HUNK: variants seen among roughly 807,000 people sequenced by gnomAD.
HUNK encodes hormonally up-regulated Neu-associated kinase.
In HUNK, 21 loss-of-function variants were observed where a neutral mutation model predicts 61.0. The observed-to-expected ratio is 0.34, with a 90% CI of 0.24 to 0.50. The LOEUF (loss-of-function observed/expected upper bound fraction) is 0.50, where lower values mean the gene tolerates loss of function less well. HUNK is among the 20% of genes least tolerant of loss of function. HUNK has a pLI of 0.98. For synonymous variants in HUNK, 371 were observed against 386.1 expected, an observed-to-expected ratio of 0.96 and a Z score of 0.46; for missense variants, 772 against 945.7, an observed-to-expected ratio of 0.82 and a Z score of 2.41.
chr21:31,955,252 A>G (rs1050667643), intron 4 of HUNK, among the ~76,000 whole-genome samples: 1 of 134,264 alleles, frequency 7.4e-6, no homozygotes, highest in Non-Finnish European at 1.6e-5. Flanking sequence ...TATGACAATA[A>G]AAGTGATTTT....
chr21:31,971,395 G>A (rs112807427), intron 6 of HUNK, among the ~76,000 whole-genome samples: 1 of 152,222 alleles, frequency 6.6e-6, no homozygotes, highest in African/African-American at 2.4e-5. Context: ...ATTCTAGGCT[G>A]TTGGGGGAGG....
At chr21:31,993,222 C>G (rs1385972010) in intron 9 of HUNK, among the ~76,000 whole-genome samples, 1 of 152,104 alleles carries the variant, frequency 6.6e-6, no homozygotes, top group East Asian at 1.9e-4. Flanking sequence ...CACAGCAAAC[C>G]CCCACGCATT....
chr21:31,977,730 C>T lies in HUNK; in HGVS notation c.1173+3013C>T, dbSNP rs184868277. The stretch of plus-strand genomic sequence containing the variant: ...CACAACAAAAAGAGTCTCACTCTGT[C>T]GCCCAGGCTGGAGTGCAGTGGCACA... On this transcript the variant is annotated intron_variant, in intron 7 of 10. Coordinates refer to ENST00000270112, the MANE Select transcript of HUNK (RefSeq NM_014586.2). 3.5e-4 allele frequency among the ~76,000 whole-genome samples: 54 copies of T among 152,320 alleles called. No homozygotes were observed. The East Asian group carries it at 9.5e-3, about 27-fold the overall frequency.
Position 31,924,417 on chromosome 21 carries a change from C to T in HUNK, c.262-51C>T, listed in dbSNP as rs113708542. The stretch of plus-strand genomic sequence containing the variant: ...GGGTTCCTGTGAGTAGCCAAGGCAT[C>T]GCTATTGTCTGTAATGTCTGATAAC... On this transcript the variant is annotated intron_variant, in intron 1 of 10. Coordinates refer to ENST00000270112, the MANE Select transcript of HUNK (RefSeq NM_014586.2). The surrounding 1 kb of genome is among the most constrained non-coding windows in gnomAD (Gnocchi z 5.1). The T allele has an allele frequency of 2.9e-5, 45 of 1,540,426 alleles. No homozygotes were observed. In the Admixed American group the frequency reaches 5.2e-4, roughly 18 times the overall value.
At chr21:31,947,323 GTCTCAA>G (rs1325699742) in intron 4 of HUNK, among the ~76,000 whole-genome samples, 1 of 119,442 alleles carries the variant, frequency 8.4e-6, no homozygotes, top group African/African-American at 3.3e-5. Flanking sequence ...CCACATCCCG[GTCTCAA>G]GCCAGTGGCG....
In HUNK at chr21:31,999,892, A is replaced by G. The variant is rs1006799173; in HGVS notation, c.*708A>G. ...TTTCCAAAGATTTTTTTTAAATGTG[A>G]TGTCGGTAAATTGAAATAACATAAT... On this transcript the variant is annotated 3_prime_UTR_variant, in exon 11 of 11. Coordinates refer to ENST00000270112, the MANE Select transcript of HUNK (RefSeq NM_014586.2). 6.0e-6 allele frequency: 2 copies of G among 334,026 alleles called. No individual in the cohort carries two copies. The highest frequency in any genetic ancestry group is 9.6e-5 in the Admixed American group (2 of 20,740). The allele number at this position is 334,026 out of a possible 1,614,324, so 20.7% of individuals were successfully genotyped here.
intron 2 of HUNK, among the ~76,000 whole-genome samples, chr21:31,939,399 GTTTTTTTTTTTTT>G (rs398036365): frequency 1.5e-5 from 1 of 66,720 alleles, no homozygotes; most frequent in African/African-American, 7.1e-5. Flanking sequence ...GCTTTCATGT[GTTTTTTTTTTTTT>G]TTTTTTTTTT....
At chr21:31,892,551 A>C (rs7282316) in intron 1 of HUNK, among the ~76,000 whole-genome samples, 139,121 of 139,172 alleles carry the variant, frequency 1, 69,535 homozygotes, top group Middle Eastern at 1. Context: ...ACCTGGGCAA[A>C]AGAGCCAGAC....
At chr21:31,942,529 C>T (rs978029597) in intron 3 of HUNK, among the ~76,000 whole-genome samples, 1 of 152,184 alleles carries the variant, frequency 6.6e-6, no homozygotes, top group Non-Finnish European at 1.5e-5. Context: ...GTAATAGAAC[C>T]TCTTAGAGGA....
chr21:31,925,728 C>A (rs932789022), intron 2 of HUNK, among the ~76,000 whole-genome samples: 2 of 152,126 alleles, frequency 1.3e-5, no homozygotes, highest in African/African-American at 2.4e-5. Context: ...ATGGAAACAG[C>A]GTTCTTGGCA....
chr21:31,875,744 A>G lies in HUNK; in HGVS notation c.261+1809A>G, dbSNP rs1001113924. On this transcript the variant is annotated intron_variant, in intron 1 of 10. Coordinates refer to ENST00000270112, the MANE Select transcript of HUNK (RefSeq NM_014586.2). ...CGTATAGGATTCAGGCTGGTTGTGC[A>G]TATTTCCTCTCTAAACATAACGGAA... Among the ~76,000 whole-genome samples the G allele has an allele frequency of 5.9e-5, 9 of 152,200 alleles. No individual in the cohort carries two copies. The East Asian group carries it at 1.7e-3, about 29-fold the overall frequency.
At chr21:31,976,623 C>T (rs1490330090) in intron 7 of HUNK, among the ~76,000 whole-genome samples, 4 of 150,594 alleles carry the variant, frequency 2.7e-5, no homozygotes, top group South Asian at 2.1e-4. Flanking sequence ...CGTGCCACCA[C>T]GCTTGTCTAA....
intron 1 of HUNK, among the ~76,000 whole-genome samples, chr21:31,894,003 C>T (rs1360088830): frequency 6.6e-6 from 1 of 152,126 alleles, no homozygotes; most frequent in African/African-American, 2.4e-5. Flanking sequence ...TTTCCAATTC[C>T]TGTGGTTTCT....
At chr21:31,983,693 T>A in intron 8 of HUNK, 84 bp downstream of exon 8, 1 of 935,318 alleles carries the variant, frequency 1.1e-6, no homozygotes, top group Non-Finnish European at 1.7e-6. Context: ...AACCAATTAC[T>A]GTGGGACACT....
chr21:31,932,911 CTTTTTTTTT>C (rs779361324), intron 2 of HUNK, among the ~76,000 whole-genome samples: 1 of 130,642 alleles, frequency 7.7e-6, no homozygotes. Context: ...TGCCTTCTTC[CTTTTTTTTT>C]TTTTTTTTTT....
intron 2 of HUNK, among the ~76,000 whole-genome samples, chr21:31,931,966 C>T (rs372102295): frequency 3.3e-5 from 5 of 152,122 alleles, no homozygotes; most frequent in Admixed American, 6.5e-5. Context: ...ACAGGGTGCA[C>T]GCTGACACAG....
intron 1 of HUNK, among the ~76,000 whole-genome samples, chr21:31,889,681 A>G (rs2052372650): frequency 6.6e-6 from 1 of 152,218 alleles, no homozygotes. Context: ...TTTCAAGGCC[A>G]ATTTGACATA....
intron 1 of HUNK, among the ~76,000 whole-genome samples, chr21:31,912,263 T>G (rs2052551378): frequency 1.3e-5 from 2 of 152,122 alleles, no homozygotes; most frequent in African/African-American, 4.8e-5. Context: ...CAGTCATTTT[T>G]GAAATGACCG....
chr21:31,970,431 T>A (rs1360183288), intron 6 of HUNK, among the ~76,000 whole-genome samples: 1 of 152,164 alleles, frequency 6.6e-6, no homozygotes, highest in African/African-American at 2.4e-5. Flanking sequence ...TGGAAATAGA[T>A]TGCTGTTTTC....
Sources: allele counts gnomAD v4.1 joint callset (sites outside exome capture counted in the v4.1 genomes callset), GRCh38; gene constraint gnomAD v4.1.1; non-coding constraint Gnocchi (gnomAD v3.1); transcripts MANE v1.5; gene names NCBI Gene and HGNC (gene_info 2026-07-23, HGNC 2026-07-21).